The following ABCA5 variants were observed in gnomAD, a reference collection of about 807,000 sequenced individuals.
ABCA5 encodes cholesterol transporter ABCA5.
A neutral mutation model predicts 206.0 loss-of-function variants in ABCA5; 163 were observed. The observed-to-expected ratio is 0.79, with a 90% CI of 0.70 to 0.90. ABCA5 has a LOEUF of 0.90. Among genes scored for constraint, ABCA5 ranks in the 40% least tolerant of loss-of-function variants. The pLI, the probability that ABCA5 is intolerant of heterozygous loss-of-function variation, is 0.00. For missense variants in ABCA5, 1,859 were observed against 1,912.9 expected, an observed-to-expected ratio of 0.97 and a Z score of 0.53; for synonymous variants, 609 against 613.8, an observed-to-expected ratio of 0.99 and a Z score of 0.11.
chr17:69,247,554 CT>C lies in ABCA5; in HGVS notation c.4911del (p.Asp1638IlefsTer3). On this transcript the variant is annotated frameshift_variant, in exon 39 of 39. Coordinates refer to ENST00000392676, the MANE Select transcript of ABCA5 (RefSeq NM_172232.4). LOFTEE classifies it high-confidence loss of function. ...NSTLWWERTQ[E>X]DRVVF ...ATACAAATTCAAAATACTACTCTAT[CT>C]TCTTGTGTTCGTTCCCACCAAAGTG... 1 of 1,604,758 alleles carries C rather than the reference CT, an allele frequency of 6.2e-7. No homozygotes were observed. Among genetic ancestry groups the C allele is most frequent in the Non-Finnish European group, 8.5e-7 (1 of 1,174,974 alleles).
intron 1 of ABCA5, chr17:69,318,594 C>A: frequency 3.8e-6 from 1 of 263,886 alleles, no homozygotes; most frequent in Non-Finnish European, 7.2e-6. Flanking sequence ...AGCAATTAAA[C>A]AATTAGACAT....
Position 69,277,523 on chromosome 17 carries a change from T to C in ABCA5, c.2594+118A>G, listed in dbSNP as rs1567762452. On this transcript the variant is annotated intron_variant, in intron 19 of 38. Transcript: ENST00000392676. Reference sequence around the variant, plus strand: ...TAACATTGTGAAATTACAGTGGTAATCTTTCGAAACTATATAAATTATTTA... The same window carrying C: ...TAACATTGTGAAATTACAGTGGTAACCTTTCGAAACTATATAAATTATTTA... The C allele has an allele frequency of 9.1e-6, 7 of 769,750 alleles. No homozygotes were observed. The East Asian group carries it at 2.2e-4, about 25-fold the overall frequency. 47.7% of individuals were successfully genotyped at this position (769,750 alleles called of 1,614,324 possible). A position where few individuals can be genotyped will look rare whatever the true frequency, so the allele number is the denominator to read the frequency against.
At chr17:69,290,075 T>A in intron 12 of ABCA5, 38 bp from the exon 13 acceptor site, 3 of 1,322,522 alleles carry the variant, frequency 2.3e-6, no homozygotes, top group Non-Finnish European at 3.1e-6. Context: ...ACATTAATTA[T>A]TTTATAATGT....
chr17:69,278,411 G>A (rs2075356616), intron 18 of ABCA5, among the ~76,000 whole-genome samples: 1 of 152,130 alleles, frequency 6.6e-6, no homozygotes, highest in Non-Finnish European at 1.5e-5. Flanking sequence ...CCATGTTTGA[G>A]AGTCCTCTCC....
In ABCA5 at chr17:69,326,875, A is replaced by C. The variant is rs964406943; in HGVS notation, c.-16+177T>G. The stretch of plus-strand genomic sequence containing the variant: ...GAGCTGAGGGAGGTCTGTTTCCCTC[A>C]GCTCGCCGCCTCTGCCCGCTTCCGA... On this transcript the variant is annotated intron_variant, in intron 1 of 38. Transcript: ENST00000392676. The surrounding 1 kb of genome is among the most constrained non-coding windows in gnomAD (Gnocchi z 4.8). Among the ~76,000 whole-genome samples, 6 of 151,818 alleles carry C rather than the reference A, an allele frequency of 4.0e-5. No homozygotes were observed. The highest frequency in any genetic ancestry group is 9.7e-5 in the African/African-American group (4 of 41,336).
In ABCA5 at chr17:69,289,247, TG is replaced by T. The variant is rs1265975719; in HGVS notation, c.1831del (p.Gln611LysfsTer5). 6.2e-7 allele frequency: 1 copy of T among 1,608,410 alleles called. No individual in the cohort carries two copies. The highest frequency in any genetic ancestry group is 8.5e-7 in the Non-Finnish European group (1 of 1,177,610). ...DLDMQTIKDN[Q>X]AKKLSGGQKR... is the part of the protein sequence containing the mutation. ...TTGACCACCACTTAATTTTTTAGCT[TG>T]GTTATCTTTGATAGTCTGCATGTCT... On this transcript the variant is annotated frameshift_variant, in exon 14 of 39. Coordinates refer to ENST00000392676, the MANE Select transcript of ABCA5 (RefSeq NM_172232.4). LOFTEE classifies it high-confidence loss of function.
At chr17:69,251,550 G>A (rs2075013563) in intron 35 of ABCA5, 197 bp downstream of exon 35, 2 of 621,262 alleles carry the variant, frequency 3.2e-6, no homozygotes, top group East Asian at 3.2e-5. Context: ...GAAATATTAA[G>A]TGAATTCAAA....
intron 18 of ABCA5, among the ~76,000 whole-genome samples, chr17:69,280,656 T>C (rs2075382510): frequency 6.6e-6 from 1 of 150,566 alleles, no homozygotes; most frequent in Admixed American, 6.6e-5. Flanking sequence ...AATGATAGAC[T>C]GGATTAAGAA....
Position 69,313,200 on chromosome 17 carries a change from T to C in ABCA5, c.199A>G (p.Asn67Asp). 1 of 1,582,724 alleles carries C rather than the reference T, an allele frequency of 6.3e-7. No homozygotes were observed. Among genetic ancestry groups the C allele is most frequent in the Non-Finnish European group, 8.7e-7 (1 of 1,152,170 alleles). The change falls in exon 3 of 39, where the codon AAT (asparagine) becomes GAT (aspartate). Residue 67 changes from asparagine to aspartate, a missense_variant. Asn to Asp is a conservative substitution (Grantham distance 23, BLOSUM62 1). Coordinates refer to ENST00000392676, the MANE Select transcript of ABCA5 (RefSeq NM_172232.4). ...GAAAGAGTAAACTTGTCCATAGGAT[T>C]GAGTTCTATATTAGGCACTTCTTCA... ...KYEEVPNIELNPMDKFTLSNL... is the reference protein window; with the variant it reads ...KYEEVPNIELDPMDKFTLSNL...
intron 12 of ABCA5, among the ~76,000 whole-genome samples, chr17:69,290,622 A>G (rs1042446248): frequency 6.6e-6 from 1 of 152,162 alleles, no homozygotes; most frequent in Non-Finnish European, 1.5e-5. Flanking sequence ...CTAATTTTAA[A>G]AGTTAAATAA....
At chr17:69,258,858 A>G (rs1053487514) in intron 28 of ABCA5, among the ~76,000 whole-genome samples, 1 of 152,162 alleles carries the variant, frequency 6.6e-6, no homozygotes, top group African/African-American at 2.4e-5. Context: ...AAATGATAAT[A>G]AAGTGATGAA....
Position 69,302,882 on chromosome 17 carries a change from G to T in ABCA5, c.955C>A (p.Pro319Thr). ...SSVFFALMLT[P>T]LFKKSKHVGI... is the part of the protein sequence containing the mutation. ...ACATGTTTTGATTTTTTAAAAAGAGGTGTCAGCATTAAAGCAAAAAATACC... is the reference window on the plus strand; with the variant it reads ...ACATGTTTTGATTTTTTAAAAAGAGTTGTCAGCATTAAAGCAAAAAATACC... Residue 319 changes from proline (P) to threonine (T), a missense_variant, in exon 8 of 39, where the codon CCT becomes ACT. Physicochemically the swap from Pro to Thr is conservative, Grantham distance 38. Transcript: ENST00000392676. The T allele has an allele frequency of 1.3e-6, 2 of 1,548,780 alleles. No homozygotes were observed. Among genetic ancestry groups the T allele is most frequent in the Non-Finnish European group, 1.7e-6 (2 of 1,152,122 alleles).
At chr17:69,281,457 A>C (rs2075393075) in intron 18 of ABCA5, among the ~76,000 whole-genome samples, 2 of 152,188 alleles carry the variant, frequency 1.3e-5, no homozygotes, top group African/African-American at 4.8e-5. Flanking sequence ...TTCTTCCACA[A>C]TTTGTGAGGG....
At chr17:69,275,574 T>G (rs939128317) in intron 19 of ABCA5, among the ~76,000 whole-genome samples, 1 of 152,220 alleles carries the variant, frequency 6.6e-6, no homozygotes, top group Non-Finnish European at 1.5e-5. Context: ...TTTGGAAACA[T>G]GAGGTTAAAC....
intron 1 of ABCA5, among the ~76,000 whole-genome samples, chr17:69,322,342 C>A (rs536282185): frequency 9.9e-6 from 1 of 101,332 alleles, no homozygotes; most frequent in East Asian, 3.2e-4. Flanking sequence ...TCCAGCCTGG[C>A]AACAGAGCAA....
chr17:69,319,358 G>A (rs889919485), intron 1 of ABCA5, among the ~76,000 whole-genome samples: 2 of 152,156 alleles, frequency 1.3e-5, no homozygotes, highest in African/African-American at 2.4e-5. Context: ...TAGAGTAGAT[G>A]GATTCACAGA....
intron 15 of ABCA5, among the ~76,000 whole-genome samples, chr17:69,287,267 T>C (rs1466282271): frequency 1.3e-5 from 2 of 152,102 alleles, no homozygotes; most frequent in Non-Finnish European, 2.9e-5. Context: ...CCACTGGGAG[T>C]AGGACTCTTG....
rs765387207 is a variant in ABCA5 at position 69,314,403 on chromosome 17, T to C, written c.13A>G (p.Ile5Val). The C allele has an allele frequency of 4.9e-5, 79 of 1,610,440 alleles. No homozygotes were observed. The highest frequency in any genetic ancestry group is 8.9e-5 in the East Asian group (4 of 44,780). Residue 5 changes from isoleucine to valine, a missense_variant, in exon 2 of 39, where the codon ATT becomes GTT. Coordinates refer to ENST00000392676, the MANE Select transcript of ABCA5 (RefSeq NM_172232.4). MSTA[I>V]REVGVWRQTR... ...TGTCTCCAAACTCCTACCTCCCTAA[T>C]TGCAGTGGACATGTTTTCTGAATAA... is the stretch of plus-strand genomic sequence containing the variant.
intron 24 of ABCA5, among the ~76,000 whole-genome samples, 200 bp from the exon 25 acceptor site, chr17:69,261,948 G>A (rs1030864895): frequency 1.3e-5 from 2 of 151,990 alleles, no homozygotes; most frequent in South Asian, 2.1e-4. Context: ...TAGCTACAAC[G>A]TTCTCTCTCT....
Sources: allele counts gnomAD v4.1 joint callset (sites outside exome capture counted in the v4.1 genomes callset), GRCh38; gene constraint gnomAD v4.1.1; non-coding constraint Gnocchi (gnomAD v3.1); transcripts MANE v1.5; gene names NCBI Gene and HGNC (gene_info 2026-07-23, HGNC 2026-07-21).